TTN: variants seen among roughly 807,000 people sequenced by gnomAD.
The protein encoded by TTN is connectin.
In TTN, 1,525 loss-of-function variants were observed where a neutral mutation model predicts 3,223.0. The observed-to-expected ratio is 0.47, with a 90% CI of 0.45 to 0.49. The LOEUF (loss-of-function observed/expected upper bound fraction) is 0.49. TTN is among the 20% of genes least tolerant of loss of function. The pLI is 0.00. For synonymous variants in TTN, 14,094 were observed against 15,161.0 expected, an observed-to-expected ratio of 0.93 and a Z score of 5.17; for missense variants, 40,786 against 43,424.0, an observed-to-expected ratio of 0.94 and a Z score of 5.40.
In TTN at chr2:178,591,427, C is replaced by T. The variant is rs748929812; in HGVS notation, c.60298G>A (p.Ala20100Thr). 27 of 1,606,790 alleles carry T rather than the reference C, an allele frequency of 1.7e-5. No individual in the cohort carries two copies. In the Middle Eastern group the frequency reaches 5.0e-4, roughly 30 times the overall value. ...VKAGTTVRFP[A>T]IIRGVPVPTA... ...GGAACAGGCACACCTCTTATAATAGCAGGGAATCTGACTGTGGTTCCAGCC... is the reference window on the plus strand; with the variant it reads ...GGAACAGGCACACCTCTTATAATAGTAGGGAATCTGACTGTGGTTCCAGCC... The change falls in exon 304 of 363, where the codon GCT becomes ACT. Residue 20100 changes from alanine to threonine, a missense_variant. Coordinates refer to ENST00000589042, the MANE Select transcript of TTN (RefSeq NM_001267550.2).
In TTN at chr2:178,583,090, T is replaced by G; in HGVS notation, c.65713A>C (p.Lys21905Gln). ...GCCATCTTTATGCCTTCTGCTGGTT[T>G]TAGCAGTGTGCCATCTTTTTTCCAA... Reference protein sequence around the residue: ...VSWKKDGTLLKPAEGIKMAMQ... With the variant: ...VSWKKDGTLLQPAEGIKMAMQ... Residue 21905 changes from lysine (K) to glutamine (Q), a missense_variant, in exon 313 of 363, where the codon AAA (lysine) becomes CAA (glutamine). By Grantham distance (53) the Lys-to-Gln change is moderately conservative. Coordinates refer to ENST00000589042, the MANE Select transcript of TTN (RefSeq NM_001267550.2). 6.2e-7 allele frequency: 1 copy of G among 1,611,556 alleles called. No individual in the cohort carries two copies. The highest frequency in any genetic ancestry group is 8.5e-7 in the Non-Finnish European group (1 of 1,178,658).
intron 58 of TTN, 48 bp from the exon 59 acceptor site, chr2:178,731,631 T>A: frequency 6.4e-7 from 1 of 1,567,804 alleles, no homozygotes; most frequent in African/African-American, 1.4e-5. Flanking sequence ...ATAGCAAAAG[T>A]GGCTTAAAAA....
At position 178,602,301 on chromosome 2, in the gene TTN, G is replaced by A; in HGVS notation, c.55101C>T (p.Ile18367=). Residue 18367 remains isoleucine, a synonymous_variant, in exon 283 of 363, where the codon ATC becomes ATT. Transcript: ENST00000589042. ...TAGTACCTTGAATATCAGTGGCAGG[G>A]ATCTCCCCAGTTGTATCACTTGGTT... ...ESEPSDTTGE[I]PATDIQEEPE... 1.2e-6 allele frequency: 2 copies of A among 1,612,702 alleles called. No homozygotes were observed. Among genetic ancestry groups the A allele is most frequent in the South Asian group, 1.1e-5 (1 of 91,016 alleles).
chr2:178,774,303 G>T lies in TTN; in HGVS notation c.6961C>A (p.Gln2321Lys). 6.2e-7 allele frequency: 1 copy of T among 1,614,054 alleles called. No individual in the cohort carries two copies. The highest frequency in any genetic ancestry group is 1.3e-5 in the African/African-American group (1 of 75,018). The change falls in exon 30 of 363, where the codon CAG becomes AAG. Residue 2321 changes from glutamine (Q) to lysine (K), a missense_variant. Physicochemically the swap from Gln to Lys is moderately conservative, Grantham distance 53. Coordinates refer to ENST00000589042, the MANE Select transcript of TTN (RefSeq NM_001267550.2). ...KYTITSRRGR[Q>K]NLTVKDVTKE... ...GTTACATCCTTGACCGTGAGGTTCT[G>T]ACGTCCACGACGAGATGTAATTGTA...
At position 178,675,236 on chromosome 2, in the gene TTN, T is replaced by C. The variant is rs13398590; in HGVS notation, c.34538-123A>G. On this transcript the variant is annotated intron_variant, in intron 149 of 362. Transcript: ENST00000589042. ...CAAGGCACATACACAAGATGAAACA[T>C]TGACATTTCACAGAATCGGTTAATG... 0.045 allele frequency: 25,912 copies of C among 569,710 alleles called. 1,298 individuals carry two copies. Among genetic ancestry groups the C allele is most frequent in the Admixed American group, 0.15 (3,828 of 24,992 alleles). 35.3% of individuals were successfully genotyped at this position (569,710 alleles called of 1,614,324 possible).
chr2:178,586,892 A>T lies in TTN; in HGVS notation c.64094-85T>A, dbSNP rs973259916. 2.1e-5 allele frequency: 32 copies of T among 1,523,722 alleles called. No homozygotes were observed. The Admixed American group carries it at 6.0e-4, about 28-fold the overall frequency. 94.4% of individuals were successfully genotyped at this position (1,523,722 alleles called of 1,614,324 possible). On this transcript the variant is annotated intron_variant, in intron 307 of 362. Coordinates refer to ENST00000589042, the MANE Select transcript of TTN (RefSeq NM_001267550.2). ...AATGTACATAAGAGTTTTAGTATGG[A>T]TTTGCTCCAATGTACATAGAACCTG... is the stretch of plus-strand genomic sequence containing the variant.
Position 178,764,642 on chromosome 2 carries a change from C to A in TTN, c.9873G>T (p.Gly3291=). 1 of 1,614,052 alleles carries A rather than the reference C, an allele frequency of 6.2e-7. No individual in the cohort carries two copies. The highest frequency in any genetic ancestry group is 8.5e-7 in the Non-Finnish European group (1 of 1,179,974). The change falls in exon 42 of 363, where the codon GGG becomes GGT. Residue 3291 remains glycine (G), a synonymous_variant. Coordinates refer to ENST00000589042, the MANE Select transcript of TTN (RefSeq NM_001267550.2). ...CAATTAGCAAAAGCGTGTATTCTTGCCCATCATGAAGAAATTTGCACTTGA... is the reference window on the plus strand; with the variant it reads ...CAATTAGCAAAAGCGTGTATTCTTGACCATCATGAAGAAATTTGCACTTGA... ...TGFKCKFLHD[G]QEYTLLLIEA...
In TTN at chr2:178,715,062, T is replaced by G; in HGVS notation, c.26124A>C (p.Ala8708=). 1 of 1,613,686 alleles carries G rather than the reference T, an allele frequency of 6.2e-7. No homozygotes were observed. Among genetic ancestry groups the G allele is most frequent in the Non-Finnish European group, 8.5e-7 (1 of 1,179,676 alleles). Residue 8708 remains alanine (A), a synonymous_variant, in exon 90 of 363, where the codon GCA becomes GCC. Coordinates refer to ENST00000589042, the MANE Select transcript of TTN (RefSeq NM_001267550.2). ...CTTTACACTGATATTCCCCAATGTC[T>G]GCAGCATCGACATTCAGGATGTGGA... ...TSIHILNVDA[A]DIGEYQCKAT...
In TTN at chr2:178,804,649, A is replaced by C; in HGVS notation, c.-7T>G. 6.2e-7 allele frequency: 1 copy of C among 1,613,670 alleles called. No individual in the cohort carries two copies. Among genetic ancestry groups the C allele is most frequent in the Non-Finnish European group, 8.5e-7 (1 of 1,179,800 alleles). On this transcript the variant is annotated 5_prime_UTR_variant, in exon 2 of 363. Coordinates refer to ENST00000589042, the MANE Select transcript of TTN (RefSeq NM_001267550.2). ...TCGGTGCTTGAGTTGTCATCTTTCT[A>C]GGCACTCTGAAAAAGAAGAGAAAAT... is the stretch of plus-strand genomic sequence containing the variant.
At position 178,535,585 on chromosome 2, in the gene TTN, A is replaced by G. The variant is rs1475771537; in HGVS notation, c.101030T>C (p.Ile33677Thr). The G allele has an allele frequency of 1.2e-6, 2 of 1,613,868 alleles. No individual in the cohort carries two copies. Among genetic ancestry groups the G allele is most frequent in the Non-Finnish European group, 1.7e-6 (2 of 1,179,808 alleles). ...YVVCAKNRFG[I>T]DQKTVELDVA... ...ATCCAGTTCAACTGTCTTCTGATCA[A>G]TTCCAAATCTGTTTTTAGCACAGAC... The change falls in exon 358 of 363, where the codon ATT (isoleucine) becomes ACT (threonine). Residue 33677 changes from isoleucine (I) to threonine (T), a missense_variant. Ile to Thr is a moderately conservative substitution (Grantham distance 89). Transcript: ENST00000589042.
At chr2:178,669,982 G>A (rs780265668) in intron 157 of TTN, among the ~76,000 whole-genome samples, 16 of 152,044 alleles carry the variant, frequency 1.1e-4, no homozygotes, top group Admixed American at 3.9e-4. Context: ...AAGAGAAGTT[G>A]AGGGATCAAT....
At position 178,729,079 on chromosome 2, in the gene TTN, G is replaced by C; in HGVS notation, c.18959C>G (p.Pro6320Arg). 1.9e-6 allele frequency: 3 copies of C among 1,612,458 alleles called. No homozygotes were observed. Among genetic ancestry groups the C allele is most frequent in the Admixed American group, 1.7e-5 (1 of 59,784 alleles). ...ATCCTTTAGCCAGGTTATAGAAATA[G>C]GAGGAGAACCTGCCACGGTACTCTG... ...TFQSTVAGSP[P>R]ISITWLKDDQ... Residue 6320 changes from proline to arginine, a missense_variant, in exon 65 of 363, where the codon CCT becomes CGT. Pro to Arg is a moderately radical substitution (Grantham distance 103). Transcript: ENST00000589042.
At position 178,719,339 on chromosome 2, in the gene TTN, G is replaced by A; in HGVS notation, c.24051C>T (p.Gly8017=). The change falls in exon 83 of 363, where the codon GGC becomes GGT. Residue 8017 remains glycine, a synonymous_variant. Transcript: ENST00000589042. Reference sequence around the variant, plus strand: ...CAATCTCATTTCCATCCTGAAACCAGCCAACTGAAATCGGGGCTGAGCCAG... The same window carrying A: ...CAATCTCATTTCCATCCTGAAACCAACCAACTGAAATCGGGGCTGAGCCAG... ...RVSGSAPISV[G]WFQDGNEIVS... The A allele has an allele frequency of 6.2e-7, 1 of 1,613,764 alleles. No individual in the cohort carries two copies. Among genetic ancestry groups the A allele is most frequent in the Non-Finnish European group, 8.5e-7 (1 of 1,179,744 alleles).
chr2:178,609,425 C>A lies in TTN; in HGVS notation c.51885G>T (p.Lys17295Asn), dbSNP rs72632861. 7.4e-6 allele frequency: 12 copies of A among 1,612,286 alleles called. No homozygotes were observed. The Middle Eastern group carries it at 9.9e-4, about 133-fold the overall frequency. ...ENVIVPEEIK[K>N]RAAPLVRRRK... ...TTCTCCTAACCAAGGGTGCTGCACG[C>A]TTCTTAATTTCCTCTGGTACAATAA... The change falls in exon 273 of 363, where the codon AAG (lysine) becomes AAT (asparagine). Residue 17295 changes from lysine (K) to asparagine (N), a missense_variant. By Grantham distance (94) the Lys-to-Asn change is moderately conservative (BLOSUM62 0). Transcript: ENST00000589042.
In TTN at chr2:178,731,325, G is replaced by A. The variant is rs1318339227; in HGVS notation, c.17441C>T (p.Ser5814Phe). ...AKNDAGIQRCSALLSVKEPAT... is the reference protein window; with the variant it reads ...AKNDAGIQRCFALLSVKEPAT... ...CCAACCTTTTACTGAGAGTAATGCA[G>A]AACATCTTTGTATTCCTGCATCATT... is the stretch of plus-strand genomic sequence containing the variant. Residue 5814 changes from serine (S) to phenylalanine (F), a missense_variant, in exon 59 of 363, where the codon TCT becomes TTT. Transcript: ENST00000589042. The A allele has an allele frequency of 6.2e-7, 1 of 1,613,724 alleles. No homozygotes were observed. The highest frequency in any genetic ancestry group is 1.7e-5 in the Admixed American group (1 of 60,010).
rs1055906361 is a variant in TTN, at chr2:178,571,760, G to A, written c.74372C>T (p.Thr24791Ile). 1.9e-6 allele frequency: 3 copies of A among 1,613,268 alleles called. No individual in the cohort carries two copies. Among genetic ancestry groups the A allele is most frequent in the Non-Finnish European group, 2.5e-6 (3 of 1,179,540 alleles). ...TTCAATAGCTTCACCAGCTGAGTTAGTCAGTTTAACCACATAATGGCCAAC... is the reference window on the plus strand; with the variant it reads ...TTCAATAGCTTCACCAGCTGAGTTAATCAGTTTAACCACATAATGGCCAAC... Reference protein sequence around the residue: ...EDVGHYVVKLTNSAGEAIETL... With the variant: ...EDVGHYVVKLINSAGEAIETL... The change falls in exon 326 of 363, where the codon ACT becomes ATT. Residue 24791 changes from threonine (T) to isoleucine (I), a missense_variant. Transcript: ENST00000589042.
chr2:178,745,892 C>A, intron 47 of TTN: 1 of 1,611,990 alleles, frequency 6.2e-7, no homozygotes, highest in Non-Finnish European at 8.5e-7. Context: ...TTCAAAAAAA[C>A]TGTCTGTGTA....
Position 178,584,801 on chromosome 2 carries a change from C to A in TTN, c.64840G>T (p.Val21614Phe), listed in dbSNP as rs1255799944. The A allele has an allele frequency of 1.2e-6, 2 of 1,613,414 alleles. No homozygotes were observed. Among genetic ancestry groups the A allele is most frequent in the Admixed American group, 1.7e-5 (1 of 59,984 alleles). The change falls in exon 310 of 363, where the codon GTC becomes TTC. Residue 21614 changes from valine to phenylalanine, a missense_variant. By Grantham distance (50) the Val-to-Phe change is conservative. Coordinates refer to ENST00000589042, the MANE Select transcript of TTN (RefSeq NM_001267550.2). ...CCAACCCTGCAGGAAGTTTTTGTGA[C>A]TGAAGCTAGAGCCGTGACCCAGTCA... Reference protein sequence around the residue: ...RGDWVTALASVTKTSCRVGKL... With the variant: ...RGDWVTALASFTKTSCRVGKL...
chr2:178,792,715 T>G (rs1192430055), intron 9 of TTN, among the ~76,000 whole-genome samples: 1 of 152,238 alleles, frequency 6.6e-6, no homozygotes, highest in South Asian at 2.1e-4. Flanking sequence ...TATATGCGTA[T>G]GTAGGGGGAC....
Sources: gnomAD v4.1 joint callset for allele counts (sites outside exome capture counted in the v4.1 genomes callset) on GRCh38, gnomAD v4.1.1 for gene constraint, MANE v1.5 for transcripts, NCBI Gene and HGNC (gene_info 2026-07-23, HGNC 2026-07-21) for gene names.